The following DPP10 variants were observed in gnomAD, a reference collection of about 807,000 sequenced individuals.
The protein encoded by DPP10 is inactive dipeptidyl peptidase 10.
Under a neutral mutation model 120.9 loss-of-function variants are expected in DPP10, and 33 were observed. The ratio of observed to expected loss-of-function variants is 0.27; its 90% CI spans 0.21 to 0.37. DPP10 has a LOEUF of 0.37. DPP10 is among the 10% of genes least tolerant of loss of function. The pLI, the probability that DPP10 is intolerant of heterozygous loss-of-function variation, is 1.00. For missense variants in DPP10, 816 were observed against 942.8 expected (o/e 0.87, Z 1.76); for synonymous variants, 337 against 326.1 (o/e 1.03, Z -0.36).
intron 5 of DPP10, among the ~76,000 whole-genome samples, chr2:115,659,540 T>C (rs914929454): frequency 1.3e-5 from 2 of 152,108 alleles, no homozygotes; most frequent in African/African-American, 4.8e-5. Context: ...AAATAAAATG[T>C]GTTTGTTGTT....
At chr2:115,644,133 C>A (rs896644169) in intron 5 of DPP10, among the ~76,000 whole-genome samples, 1 of 151,982 alleles carries the variant, frequency 6.6e-6, no homozygotes, top group African/African-American at 2.4e-5. Context: ...GTCTAACCCA[C>A]AGGAAAATAA....
chr2:114,663,668 T>TATAGAGAG, intron 1 of DPP10, among the ~76,000 whole-genome samples: 70 of 80,702 alleles, frequency 8.7e-4, no homozygotes, highest in African/African-American at 1.3e-3. Flanking sequence ...TATATATATA[T>TATAGAGAG]AGAGAGAGAG....
chr2:115,290,549 A>G (rs981021542), intron 1 of DPP10, among the ~76,000 whole-genome samples: 2 of 152,158 alleles, frequency 1.3e-5, no homozygotes, highest in Admixed American at 6.6e-5. Flanking sequence ...GTTCTTTAAA[A>G]AAGGAAAGCT....
At chr2:115,470,402 G>A (rs989223788) in intron 3 of DPP10, among the ~76,000 whole-genome samples, 1 of 152,056 alleles carries the variant, frequency 6.6e-6, no homozygotes, top group African/African-American at 2.4e-5. Flanking sequence ...CTGGACCAGG[G>A]TTTCATGGCA....
intron 1 of DPP10, among the ~76,000 whole-genome samples, chr2:115,058,298 A>G (rs1226515359): frequency 1.4e-5 from 2 of 138,996 alleles, no homozygotes; most frequent in East Asian, 2.1e-4. Flanking sequence ...AAAAAAAAAA[A>G]AAAAAGGCAC....
chr2:115,790,984 G>A, intron 17 of DPP10, 97 bp from the exon 18 acceptor site: 2 of 800,598 alleles, frequency 2.5e-6, no homozygotes, highest in South Asian at 1.8e-5. Context: ...CACAGTGCCT[G>A]CCAAATGGTA....
At chr2:114,870,570 C>CTAT (rs1690615375) in intron 1 of DPP10, among the ~76,000 whole-genome samples, 1 of 82,660 alleles carries the variant, frequency 1.2e-5, no homozygotes, top group Admixed American at 1.4e-4. Flanking sequence ...GGCTGAAGGA[C>CTAT]ACATATAAAA....
intron 1 of DPP10, among the ~76,000 whole-genome samples, chr2:114,898,237 C>G (rs777220243): frequency 2.8e-4 from 43 of 152,018 alleles, no homozygotes; most frequent in Non-Finnish European, 5.6e-4. Flanking sequence ...TCTCAGCAAA[C>G]TATCGCAAGG....
At chr2:115,663,504 C>T (rs1483874318) in intron 5 of DPP10, among the ~76,000 whole-genome samples, 2 of 152,192 alleles carry the variant, frequency 1.3e-5, no homozygotes, top group Non-Finnish European at 2.9e-5. Context: ...AAAGTTGTTC[C>T]TTCTGGGCAC....
At chr2:114,726,640 G>A (rs1430442382) in intron 1 of DPP10, among the ~76,000 whole-genome samples, 1 of 151,946 alleles carries the variant, frequency 6.6e-6, no homozygotes, top group Non-Finnish European at 1.5e-5. Context: ...TTCAATTATG[G>A]AAAAATAGAA....
chr2:115,808,404 G>A (rs1686265958), intron 19 of DPP10, among the ~76,000 whole-genome samples: 1 of 152,172 alleles, frequency 6.6e-6, no homozygotes, highest in Non-Finnish European at 1.5e-5. Context: ...TCAGATTTGG[G>A]TGGCTCAGCT....
At chr2:114,555,002 C>T (rs1442400071) in intron 1 of DPP10, among the ~76,000 whole-genome samples, 2 of 152,094 alleles carry the variant, frequency 1.3e-5, no homozygotes, top group Admixed American at 6.5e-5. Context: ...ACATAATGGA[C>T]CTGGGCATCG....
chr2:115,481,656 G>A (rs553497155), intron 3 of DPP10, among the ~76,000 whole-genome samples: 1 of 151,884 alleles, frequency 6.6e-6, no homozygotes, highest in Non-Finnish European at 1.5e-5. Context: ...TTTCTCAGGG[G>A]TCCTTTATAG....
At chr2:115,258,551 T>TTTAGGTTG (rs1365939351) in intron 1 of DPP10, among the ~76,000 whole-genome samples, 1 of 151,924 alleles carries the variant, frequency 6.6e-6, no homozygotes, top group Non-Finnish European at 1.5e-5. Flanking sequence ...CTAAATTGAA[T>TTTAGGTTG]ATAGAATAAT....
intron 7 of DPP10, among the ~76,000 whole-genome samples, chr2:115,712,004 G>A (rs988035534): frequency 7.6e-6 from 1 of 131,988 alleles, no homozygotes; most frequent in African/African-American, 2.9e-5. Flanking sequence ...CACTGGTTTT[G>A]TAGAAGACAA....
At chr2:115,254,580 C>G (rs1342987632) in intron 1 of DPP10, among the ~76,000 whole-genome samples, 1 of 152,166 alleles carries the variant, frequency 6.6e-6, no homozygotes, top group Admixed American at 6.5e-5. Context: ...AGTCCAATGT[C>G]TCATCTGAGA....
intron 1 of DPP10, among the ~76,000 whole-genome samples, chr2:115,045,041 C>T (rs889993975): frequency 1.3e-5 from 2 of 152,050 alleles, no homozygotes; most frequent in African/African-American, 4.8e-5. Context: ...TTGGTAGATC[C>T]CAAATCTTGG....
rs574740601 is a variant in DPP10, at chr2:115,666,403, C to T, written c.442-23284C>T. On this transcript the variant is annotated intron_variant, in intron 5 of 25. Coordinates refer to ENST00000410059, the MANE Select transcript of DPP10 (RefSeq NM_020868.6). ...AAAATCATCAGATCTCATGAGAACT[C>T]GCTCACTATCACGAGAACATCATGG... Among the ~76,000 whole-genome samples the T allele has an allele frequency of 1.1e-4, 17 of 152,108 alleles. No homozygotes were observed. The South Asian group carries it at 1.2e-3, about 11-fold the overall frequency.
At chr2:114,643,918 T>C (rs1695907227) in intron 1 of DPP10, among the ~76,000 whole-genome samples, 1 of 140,650 alleles carries the variant, frequency 7.1e-6, no homozygotes, top group Admixed American at 7.0e-5. Flanking sequence ...TATATGTGTG[T>C]GTATATATAT....
Sources: allele counts gnomAD v4.1 joint callset (sites outside exome capture counted in the v4.1 genomes callset), GRCh38; gene constraint gnomAD v4.1.1; transcripts MANE v1.5; gene names NCBI Gene and HGNC (gene_info 2026-07-23, HGNC 2026-07-21).